CUX1: variants seen among roughly 807,000 people sequenced by gnomAD.
CUX1 encodes cut like homeobox 1.
In CUX1, 31 loss-of-function variants were observed where a neutral mutation model predicts 158.8. The ratio of observed to expected loss-of-function variants is 0.20; its 90% CI spans 0.15 to 0.26. CUX1 has a LOEUF of 0.26. Among genes scored for constraint, CUX1 ranks in the 10% least tolerant of loss-of-function variants. The probability of loss-of-function intolerance (pLI) is 1.00; values close to 1 mark genes in which losing one functional copy is unlikely to be tolerated. For synonymous variants in CUX1, 879 were observed against 862.1 expected (o/e 1.02, Z -0.34); for missense variants, 1,589 against 2,014.6 (o/e 0.79, Z 4.04).
chr7:102,274,879 T>C (rs1246321699), intron 16 of CUX1, among the ~76,000 whole-genome samples: 1 of 152,204 alleles, frequency 6.6e-6, no homozygotes, highest in Middle Eastern at 3.2e-3. Flanking sequence ...GTTCCCCTCC[T>C]GCCCCTTTGC....
chr7:102,043,878 T>C (rs548374206), intron 3 of CUX1, among the ~76,000 whole-genome samples: 4 of 152,298 alleles, frequency 2.6e-5, no homozygotes, highest in East Asian at 3.9e-4. Context: ...TTTTTGGTAA[T>C]AGCCCTTCTA....
intron 3 of CUX1, among the ~76,000 whole-genome samples, chr7:102,050,973 T>C (rs186715784): frequency 4.2e-4 from 64 of 152,262 alleles, no homozygotes; most frequent in African/African-American, 1.4e-3. Flanking sequence ...CTACCACCAG[T>C]TGCCATCCTG....
chr7:102,080,432 T>G (rs1554478218), intron 4 of CUX1, among the ~76,000 whole-genome samples: 1 of 152,190 alleles, frequency 6.6e-6, no homozygotes. Context: ...ATCGTATGAT[T>G]ACATTAGCCT....
chr7:101,828,859 C>T (rs2131000701), intron 1 of CUX1, among the ~76,000 whole-genome samples: 1 of 151,032 alleles, frequency 6.6e-6, no homozygotes, highest in South Asian at 2.1e-4. Flanking sequence ...TTGCGGGTGG[C>T]TGATGGGGGG....
chr7:102,255,072 C>T lies in CUX1; in HGVS notation c.*6030C>T, dbSNP rs1189056076. ...CGTAAAACAAGCCCCAGCCCTACTC[C>T]CGGCCCCCCAGCCCAGTCTTCCCAA... On this transcript the variant is annotated 3_prime_UTR_variant, in exon 24 of 24. Transcript: ENST00000292535. 3 of 985,484 alleles carry T rather than the reference C, an allele frequency of 3.0e-6. No individual in the cohort carries two copies. The highest frequency in any genetic ancestry group is 3.6e-6 in the Non-Finnish European group (3 of 830,030). The allele number at this position is 985,484 out of a possible 1,614,324, so 61.0% of individuals were successfully genotyped here.
chr7:101,969,982 C>CAAAAAAAAAAAAAA (rs34167642), intron 2 of CUX1, among the ~76,000 whole-genome samples: 1 of 55,658 alleles, frequency 1.8e-5, no homozygotes, highest in African/African-American at 7.8e-5. Flanking sequence ...GAGTTAGCAC[C>CAAAAAAAAAAAAAA]AAAAAAAAAA....
intron 4 of CUX1, among the ~76,000 whole-genome samples, chr7:102,073,165 C>CTTTTTATTTTTTTTTTTTTTTTTTTTTTT (rs1826329302): frequency 1.5e-5 from 1 of 66,890 alleles, no homozygotes; most frequent in African/African-American, 6.4e-5. Flanking sequence ...TCTTTTCTTT[C>CTTTTTATTTTTTTTTTTTTTTTTTTTTTT]TTTTTTTTTT....
chr7:101,913,851 CTT>C (rs1248288593), intron 1 of CUX1, among the ~76,000 whole-genome samples: 2 of 151,484 alleles, frequency 1.3e-5, no homozygotes, highest in Non-Finnish European at 2.9e-5. Flanking sequence ...CTTTTTTTTT[CTT>C]TTTTGTCATA....
intron 23 of CUX1, 149 bp downstream of exon 23, chr7:102,239,733 GTTTTT>G (rs374612687): frequency 1.7e-5 from 13 of 759,720 alleles, no homozygotes; most frequent in Non-Finnish European, 2.6e-5. Flanking sequence ...GTCCCTTAGG[GTTTTT>G]TTTTTCTTTT....
intron 16 of CUX1, among the ~76,000 whole-genome samples, chr7:102,274,687 G>T (rs961775516): frequency 5.9e-5 from 9 of 152,304 alleles, no homozygotes; most frequent in Admixed American, 5.9e-4. Context: ...CCACCTTGGG[G>T]CCCTGACCCT....
At chr7:101,980,636 C>T (rs1813310820) in intron 2 of CUX1, among the ~76,000 whole-genome samples, 1 of 152,210 alleles carries the variant, frequency 6.6e-6, no homozygotes. Context: ...CCTGGAGACA[C>T]CTCTCCCGCT....
Position 102,163,108 on chromosome 7 carries a change from G to A in CUX1, c.723+4500G>A, listed in dbSNP as rs544139296. On this transcript the variant is annotated intron_variant, in intron 9 of 23. Transcript: ENST00000292535. ...GATGCAAGCCCTTGGAATATCGAGA[G>A]AATATTTCCAGCAGGAAAAGAAGTG... 3.9e-5 allele frequency among the ~76,000 whole-genome samples: 6 copies of A among 152,310 alleles called. No individual in the cohort carries two copies. In the South Asian group the frequency reaches 1.2e-3, roughly 32 times the overall value.
chr7:101,913,795 T>C (rs1803797308), intron 1 of CUX1, among the ~76,000 whole-genome samples: 1 of 152,174 alleles, frequency 6.6e-6, no homozygotes, highest in Admixed American at 6.5e-5. Flanking sequence ...TTTGTTTTTC[T>C]CCTAAGTTTT....
intron 1 of CUX1, among the ~76,000 whole-genome samples, chr7:101,898,010 A>G (rs1196632544): frequency 6.6e-6 from 1 of 152,152 alleles, no homozygotes; most frequent in African/African-American, 2.4e-5. Flanking sequence ...CACCCCCGGT[A>G]CCCCGGTGGG....
In CUX1 at chr7:102,178,600, G is replaced by A. The variant is rs151118398; in HGVS notation, c.960G>A (p.Ser320=). The A allele has an allele frequency of 2.4e-5, 38 of 1,611,534 alleles. No individual in the cohort carries two copies. The African/African-American group carries it at 4.0e-4, about 17-fold the overall frequency. The change falls in exon 11 of 24, where the codon TCG becomes TCA. Residue 320 remains serine, a synonymous_variant. Transcript: ENST00000292535. ...GCCTCACCAAGCTGCGGGAGAATTC[G>A]GCCAGCCAGATCTCACAGCTTGAGC... ...QASLTKLREN[S]ASQISQLEQQ... is the part of the protein sequence containing the mutation.
chr7:101,896,892 A>G (rs1005337177), intron 1 of CUX1, among the ~76,000 whole-genome samples: 1 of 152,198 alleles, frequency 6.6e-6, no homozygotes, highest in Non-Finnish European at 1.5e-5. Context: ...ACTCCCAGTA[A>G]GTTCTTACGA....
chr7:102,051,734 CTA>C (rs1242608782), intron 3 of CUX1, among the ~76,000 whole-genome samples: 1 of 151,960 alleles, frequency 6.6e-6, no homozygotes, highest in East Asian at 1.9e-4. Context: ...ATGCCCAAGA[CTA>C]TCTTTACCTC....
chr7:101,852,069 G>A (rs113879555), intron 1 of CUX1, among the ~76,000 whole-genome samples: 9,407 of 151,650 alleles, frequency 0.062, 998 homozygotes, highest in African/African-American at 0.21. Context: ...GTCTCAAGCA[G>A]TCCTCCCACC....
chr7:102,097,805 C>T (rs1201733812), intron 5 of CUX1, among the ~76,000 whole-genome samples: 1 of 152,218 alleles, frequency 6.6e-6, no homozygotes, highest in African/African-American at 2.4e-5. Context: ...TCTTGAAAGG[C>T]CCATGCATTG....
Sources: gnomAD v4.1 joint callset for allele counts (sites outside exome capture counted in the v4.1 genomes callset) on GRCh38, gnomAD v4.1.1 for gene constraint, MANE v1.5 for transcripts, NCBI Gene and HGNC (gene_info 2026-07-23, HGNC 2026-07-21) for gene names.